The following ORAI2 variants were observed in gnomAD, a reference collection of about 807,000 sequenced individuals.
ORAI2 encodes the protein protein orai-2.
In ORAI2, 10 loss-of-function variants were observed where a neutral mutation model predicts 16.2. The observed-to-expected ratio is 0.62, with a 90% confidence interval of 0.38 to 1.04. The LOEUF (loss-of-function observed/expected upper bound fraction) is 1.04, where lower values mean the gene tolerates loss of function less well. Among genes scored for constraint, ORAI2 ranks in the 50% least tolerant of loss-of-function variants. ORAI2 has a pLI of 0.01. For missense variants in ORAI2, 238 were observed against 355.5 expected, an observed-to-expected ratio of 0.67 and a Z score of 2.66; for synonymous variants, 150 against 157.5, an observed-to-expected ratio of 0.95 and a Z score of 0.35.
chr7:102,438,582 C>T (rs1232549509), intron 2 of ORAI2, among the ~76,000 whole-genome samples: 1 of 152,172 alleles, frequency 6.6e-6, no homozygotes, highest in Non-Finnish European at 1.5e-5. Context: ...CGAGACCAGC[C>T]TGGCCAACAT....
Position 102,452,173 on chromosome 7 carries a change from C to CAAGCTGG in ORAI2, c.*5124_*5130dup, listed in dbSNP as rs1295618420. ...TTTGAGACAGAGTCGCTCTGTCACC[C>CAAGCTGG]AAGCTGGAATGCGGTGGCATGATCT... On this transcript the variant is annotated 3_prime_UTR_variant, in exon 4 of 4. Transcript: ENST00000495936. 2.6e-5 allele frequency: 4 copies of CAAGCTGG among 152,106 alleles called. No homozygotes were observed. Among genetic ancestry groups the CAAGCTGG allele is most frequent in the African/African-American group, 9.7e-5 (4 of 41,392 alleles). The allele number at this position is 152,106 out of a possible 1,614,324, so 9.4% of individuals were successfully genotyped here. A position where few individuals can be genotyped will look rare whatever the true frequency, so the allele number is the denominator to read the frequency against.
chr7:102,446,369 T>C (rs907680836), intron 3 of ORAI2, 144 bp from the exon 4 acceptor site: 20 of 745,756 alleles, frequency 2.7e-5, no homozygotes, highest in African/African-American at 2.1e-4. Context: ...GCCCAGAACA[T>C]GGGTGAGTCC....
intron 2 of ORAI2, among the ~76,000 whole-genome samples, chr7:102,437,981 C>T (rs1202047151): frequency 6.6e-6 from 1 of 151,964 alleles, no homozygotes; most frequent in African/African-American, 2.4e-5. Context: ...CCTAAGAGTT[C>T]GAGGCTGCAG....
chr7:102,442,770 C>T (rs1008397277), intron 3 of ORAI2, among the ~76,000 whole-genome samples: 3 of 151,726 alleles, frequency 2.0e-5, no homozygotes, highest in Admixed American at 6.6e-5. Flanking sequence ...GTGGGAGGAT[C>T]ACTTGAATCC....
Position 102,446,974 on chromosome 7 carries a change from C to T in ORAI2, c.687C>T (p.Arg229=), listed in dbSNP as rs1287047407. ...CCCTGGTGCGCCACAAAACGGAGCG[C>T]CACAACCGCGAGATCGAGGAGCTCC... ...YRSLVRHKTE[R]HNREIEELHK... Residue 229 remains arginine, a synonymous_variant, in exon 4 of 4, where the codon CGC becomes CGT. Coordinates refer to ENST00000495936, the MANE Select transcript of ORAI2 (RefSeq NM_001126340.3). 4.4e-6 allele frequency: 7 copies of T among 1,606,744 alleles called. No individual in the cohort carries two copies. Among genetic ancestry groups the T allele is most frequent in the Non-Finnish European group, 5.1e-6 (6 of 1,178,072 alleles).
chr7:102,438,808 C>A, intron 2 of ORAI2, 136 bp from the exon 3 acceptor site: 1 of 745,138 alleles, frequency 1.3e-6, no homozygotes. Context: ...ACTTTAGGTC[C>A]TGGGCACTTT....
chr7:102,440,587 G>T (rs963570730), intron 3 of ORAI2, among the ~76,000 whole-genome samples: 1 of 152,020 alleles, frequency 6.6e-6, no homozygotes, highest in Non-Finnish European at 1.5e-5. Flanking sequence ...GGCTGGAGAG[G>T]GCGGTGGTGT....
chr7:102,439,157 C>A lies in ORAI2; in HGVS notation c.201C>A (p.Ser67=). The A allele has an allele frequency of 6.2e-7, 1 of 1,613,730 alleles. No individual in the cohort carries two copies. Among genetic ancestry groups the A allele is most frequent in the Non-Finnish European group, 8.5e-7 (1 of 1,180,020 alleles). Residue 67 remains serine, a synonymous_variant, in exon 3 of 4, where the codon TCC becomes TCA. Coordinates refer to ENST00000495936, the MANE Select transcript of ORAI2 (RefSeq NM_001126340.3). ...RAKLKASSRT[S]ALLSGFAMVA... ...AGCTGAAGGCCTCCAGCAGGACCTC[C>A]GCCCTCCTCTCCGGCTTTGCCATGG...
intron 3 of ORAI2, among the ~76,000 whole-genome samples, chr7:102,442,752 A>T (rs1306033913): frequency 6.6e-6 from 1 of 151,914 alleles, no homozygotes; most frequent in East Asian, 1.9e-4. Context: ...GCTTCTCGGG[A>T]GGCTGAAGTG....
intron 1 of ORAI2, among the ~76,000 whole-genome samples, chr7:102,435,813 T>C (rs1797045016): frequency 6.6e-6 from 1 of 152,058 alleles, no homozygotes; most frequent in Non-Finnish European, 1.5e-5. Flanking sequence ...TTTTGTATTT[T>C]TAGAAGAGAC....
intron 2 of ORAI2, 40 bp downstream of exon 2, chr7:102,436,373 C>A: frequency 3.1e-6 from 3 of 983,476 alleles, no homozygotes; most frequent in Non-Finnish European, 3.6e-6. Flanking sequence ...CAGAACTGTT[C>A]CCAGAGGTCT....
At chr7:102,434,121 C>CAAAAA (rs55642836) in intron 1 of ORAI2, among the ~76,000 whole-genome samples, 1 of 67,016 alleles carries the variant, frequency 1.5e-5, no homozygotes, top group Non-Finnish European at 2.8e-5. Context: ...CTCATTAAAG[C>CAAAAA]AAAAAAAAAA....
chr7:102,441,277 C>T (rs1168579116), intron 3 of ORAI2, among the ~76,000 whole-genome samples: 1 of 151,284 alleles, frequency 6.6e-6, no homozygotes, highest in Non-Finnish European at 1.5e-5. Context: ...TGTGGTGGCT[C>T]ACGCCTGTAA....
intron 3 of ORAI2, among the ~76,000 whole-genome samples, chr7:102,441,944 G>T (rs1249031599): frequency 1.3e-5 from 2 of 152,156 alleles, no homozygotes; most frequent in Admixed American, 6.5e-5. Context: ...CCTGGGAACA[G>T]GCAAAGGTAC....
rs113783886 is a variant in ORAI2 at position 102,441,599 on chromosome 7, GT to G, written c.225+2428del. ...GGCTCTTGCTATGTTGCCCAGGCTG[GT>G]TTTTTTTTTCTTTAATTATTGTTAT... On this transcript the variant is annotated intron_variant, in intron 3 of 3. Transcript: ENST00000495936. Among the ~76,000 whole-genome samples, 50 of 147,746 alleles carry G rather than the reference GT, an allele frequency of 3.4e-4. 1 individual carries two copies. The highest frequency in any genetic ancestry group is 1.1e-3 in the South Asian group (5 of 4,666).
intron 2 of ORAI2, among the ~76,000 whole-genome samples, chr7:102,437,902 A>G (rs1235131067): frequency 6.6e-6 from 1 of 151,942 alleles, no homozygotes; most frequent in Non-Finnish European, 1.5e-5. Context: ...AAATTAAAAC[A>G]TTAGCAGGCA....
At chr7:102,445,079 C>T (rs575343965) in intron 3 of ORAI2, among the ~76,000 whole-genome samples, 1 of 152,244 alleles carries the variant, frequency 6.6e-6, no homozygotes, top group Non-Finnish European at 1.5e-5. Context: ...CCTTAGCAGA[C>T]CCAGCCATGC....
rs1180983340 is a variant in ORAI2 at position 102,443,113 on chromosome 7, CTTCTTCTTCTTCTTCTTCTT to C, written c.226-3397_226-3378del. Among the ~76,000 whole-genome samples, 35 of 118,922 alleles carry C rather than the reference CTTCTTCTTCTTCTTCTTCTT, an allele frequency of 2.9e-4. 1 individual carries two copies. The highest frequency in any genetic ancestry group is 1.3e-3 in the South Asian group (5 of 3,794). The allele number at this position is 118,922 out of a possible 152,430, so 78.0% of individuals were successfully genotyped here. ...TTTTCTTCTTCTTCTTCTTCTTCTT[CTTCTTCTTCTTCTTCTTCTT>C]TTTTTTTTTTTTAATAGAGATGGGG... On this transcript the variant is annotated intron_variant, in intron 3 of 3. Transcript: ENST00000495936.
At chr7:102,434,052 A>T (rs1036516292) in intron 1 of ORAI2, among the ~76,000 whole-genome samples, 1 of 151,120 alleles carries the variant, frequency 6.6e-6, no homozygotes, top group Non-Finnish European at 1.5e-5. Context: ...AGCCAGGAAG[A>T]AAAGCTCATC....
Sources: allele counts gnomAD v4.1 joint callset (sites outside exome capture counted in the v4.1 genomes callset), GRCh38; gene constraint gnomAD v4.1.1; transcripts MANE v1.5; gene names NCBI Gene and HGNC (gene_info 2026-07-23, HGNC 2026-07-21).